Variants in GRIK4 observed in about 807,000 individuals in gnomAD.
GRIK4 encodes the protein glutamate receptor ionotropic, kainate 4.
A neutral mutation model predicts 104.9 loss-of-function variants in GRIK4; 40 were observed. That is an observed-to-expected ratio of 0.38 (90% CI 0.30 to 0.50). The LOEUF is 0.50. Ranked by LOEUF, GRIK4 falls within the 20% of genes least tolerant of loss-of-function variation. The probability of loss-of-function intolerance (pLI) is 0.93; values close to 1 mark genes in which losing one functional copy is unlikely to be tolerated. For missense variants in GRIK4, 1,047 were observed against 1,308.1 expected (o/e 0.80, Z 3.08); for synonymous variants, 485 against 524.9 (o/e 0.92, Z 1.04).
intron 5 of GRIK4, among the ~76,000 whole-genome samples, chr11:120,817,793 A>G (rs4936552): frequency 6.6e-6 from 1 of 152,024 alleles, no homozygotes; most frequent in African/African-American, 2.4e-5. Flanking sequence ...AAGGCTCCCC[A>G]TCAGCTCCCC....
Position 120,986,309 on chromosome 11 carries a change from G to C in GRIK4, c.*49G>C. 7.2e-7 allele frequency: 1 copy of C among 1,394,048 alleles called. No homozygotes were observed. Among genetic ancestry groups the C allele is most frequent in the Non-Finnish European group, 9.4e-7 (1 of 1,065,646 alleles). The allele number at this position is 1,394,048 out of a possible 1,614,324, so 86.4% of individuals were successfully genotyped here. A position where few individuals can be genotyped will look rare whatever the true frequency, so the allele number is the denominator to read the frequency against. On this transcript the variant is annotated 3_prime_UTR_variant, in exon 21 of 21. Coordinates refer to ENST00000527524, the MANE Select transcript of GRIK4 (RefSeq NM_014619.5). ...GAGGCCGGGCGGGGCGGGAGGGGAG[G>C]GGCGGGGCGGGCGCTGCTGTCAGCC... is the stretch of plus-strand genomic sequence containing the variant.
At chr11:120,757,373 T>A (rs1565335114) in intron 3 of GRIK4, among the ~76,000 whole-genome samples, 1 of 152,234 alleles carries the variant, frequency 6.6e-6, no homozygotes, top group Non-Finnish European at 1.5e-5. Context: ...TTTGGGCAAG[T>A]TCTCTGACTT....
intron 13 of GRIK4, among the ~76,000 whole-genome samples, chr11:120,927,737 AGT>A (rs998995839): frequency 3.3e-5 from 5 of 152,218 alleles, no homozygotes; most frequent in African/African-American, 1.2e-4. Flanking sequence ...GTATTAATTT[AGT>A]GTTGCTGTTA....
chr11:120,638,505 G>C (rs1949427967), intron 1 of GRIK4, among the ~76,000 whole-genome samples: 1 of 150,524 alleles, frequency 6.6e-6, no homozygotes, highest in South Asian at 2.1e-4. Context: ...TTCTGAGACG[G>C]AGTCTCGTGT....
At chr11:120,725,385 T>C (rs140657093) in intron 3 of GRIK4, among the ~76,000 whole-genome samples, 97 of 152,288 alleles carry the variant, frequency 6.4e-4, no homozygotes, top group African/African-American at 2.3e-3. Flanking sequence ...GTTCCCCACA[T>C]AGAAAGCCAG....
intron 13 of GRIK4, among the ~76,000 whole-genome samples, chr11:120,933,220 G>A (rs1053539917): frequency 6.6e-6 from 1 of 152,214 alleles, no homozygotes; most frequent in Non-Finnish European, 1.5e-5. Flanking sequence ...GGGCCAGAGT[G>A]GGGGACGCGG....
chr11:120,917,471 G>A (rs1288155421), intron 13 of GRIK4, among the ~76,000 whole-genome samples: 1 of 152,078 alleles, frequency 6.6e-6, no homozygotes, highest in Non-Finnish European at 1.5e-5. Flanking sequence ...GGGGGCACAG[G>A]CATGTAAGAT....
At chr11:120,840,888 C>T (rs768935704) in intron 8 of GRIK4, among the ~76,000 whole-genome samples, 7 of 152,188 alleles carry the variant, frequency 4.6e-5, no homozygotes, top group Non-Finnish European at 7.3e-5. Flanking sequence ...AATAGCTCCC[C>T]ATTCCCCCTC....
chr11:120,915,492 A>G (rs909852012), intron 13 of GRIK4, among the ~76,000 whole-genome samples: 1 of 151,484 alleles, frequency 6.6e-6, no homozygotes, highest in Non-Finnish European at 1.5e-5. Context: ...CCTCTCCTCC[A>G]TTCAGGAGTG....
At chr11:120,845,773 C>A (rs1203768611) in intron 8 of GRIK4, among the ~76,000 whole-genome samples, 1 of 152,100 alleles carries the variant, frequency 6.6e-6, no homozygotes, top group Non-Finnish European at 1.5e-5. Context: ...TTAAGAGTAT[C>A]CACATATTTC....
chr11:120,783,431 G>A (rs1476600094), intron 3 of GRIK4, among the ~76,000 whole-genome samples: 3 of 150,076 alleles, frequency 2.0e-5, no homozygotes, highest in East Asian at 1.9e-4. Flanking sequence ...CTTCCTTCTC[G>A]CCTTCCCTGT....
intron 13 of GRIK4, among the ~76,000 whole-genome samples, chr11:120,918,572 G>A (rs772554824): frequency 3.6e-4 from 55 of 152,154 alleles, no homozygotes; most frequent in Non-Finnish European, 5.7e-4. Flanking sequence ...CTCTGGGATG[G>A]GGGGGTATCT....
At chr11:120,544,609 G>A (rs987037276) in intron 1 of GRIK4, among the ~76,000 whole-genome samples, 3 of 152,168 alleles carry the variant, frequency 2.0e-5, no homozygotes, top group Non-Finnish European at 4.4e-5. Flanking sequence ...GGGATTACAG[G>A]CTAAAGAGTA....
intron 3 of GRIK4, among the ~76,000 whole-genome samples, chr11:120,800,381 C>T (rs543114498): frequency 1.8e-4 from 28 of 152,194 alleles, no homozygotes; most frequent in Non-Finnish European, 3.8e-4. Context: ...GTTGCAAGGT[C>T]GTCATTCTCT....
intron 14 of GRIK4, among the ~76,000 whole-genome samples, chr11:120,944,466 C>A (rs1391902456): frequency 1.3e-5 from 2 of 152,170 alleles, no homozygotes; most frequent in African/African-American, 4.8e-5. Context: ...CACACTTATG[C>A]CTCCTTCCCT....
intron 3 of GRIK4, among the ~76,000 whole-genome samples, chr11:120,698,833 A>C (rs1289701501): frequency 6.6e-6 from 1 of 152,208 alleles, no homozygotes; most frequent in Non-Finnish European, 1.5e-5. Flanking sequence ...TTAGGAGCCC[A>C]GTTACCCCCA....
chr11:120,634,621 A>T (rs1949374086), intron 1 of GRIK4, among the ~76,000 whole-genome samples: 2 of 151,944 alleles, frequency 1.3e-5, no homozygotes, highest in African/African-American at 4.8e-5. Flanking sequence ...CCCACTCGGA[A>T]TTGAGTCTGT....
intron 3 of GRIK4, among the ~76,000 whole-genome samples, chr11:120,682,748 C>T (rs1294649716): frequency 1.3e-5 from 2 of 152,024 alleles, no homozygotes; most frequent in African/African-American, 2.4e-5. Flanking sequence ...CCTGCTTAAA[C>T]CCTTCCCCAT....
In GRIK4 at chr11:120,802,745, C is replaced by A. The variant is rs754377945; in HGVS notation, c.135C>A (p.Ile45=). The A allele has an allele frequency of 1.9e-6, 3 of 1,614,170 alleles. No homozygotes were observed. In the South Asian group the frequency reaches 3.3e-5, roughly 18 times the overall value. The change falls in exon 4 of 21, where the codon ATC becomes ATA. Residue 45 remains isoleucine (I), a synonymous_variant. Coordinates refer to ENST00000527524, the MANE Select transcript of GRIK4 (RefSeq NM_014619.5). ...GCAGCAGAGGGGAGCGGCTCTCCAT[C>A]ACCCTGGCCAAGAACCGCATCAACC... ...MECSRGERLS[I]TLAKNRINRA... is the part of the protein sequence containing the mutation.
Sources: gnomAD v4.1 joint callset for allele counts (sites outside exome capture counted in the v4.1 genomes callset) on GRCh38, gnomAD v4.1.1 for gene constraint, MANE v1.5 for transcripts, NCBI Gene and HGNC (gene_info 2026-07-23, HGNC 2026-07-21) for gene names.